The following MED12L variants were observed in gnomAD, a reference collection of about 807,000 sequenced individuals.
The protein encoded by MED12L is mediator of RNA polymerase II transcription subunit 12-like protein.
MED12L carries 60 observed loss-of-function variants against 281.3 expected under a neutral mutation model. That is an observed-to-expected ratio of 0.21 (90% confidence interval 0.17 to 0.26). MED12L has a LOEUF of 0.26. MED12L is among the 10% of genes least tolerant of loss of function. MED12L has a pLI of 1.00. For missense variants in MED12L, 2,146 were observed against 2,680.9 expected, an observed-to-expected ratio of 0.80 and a Z score of 4.41; for synonymous variants, 974 against 987.2, an observed-to-expected ratio of 0.99 and a Z score of 0.25.
At chr3:151,222,746 TAC>T (rs1306601088) in intron 16 of MED12L, among the ~76,000 whole-genome samples, 1 of 152,244 alleles carries the variant, frequency 6.6e-6, no homozygotes, top group East Asian at 1.9e-4. Flanking sequence ...CTGGTCCATG[TAC>T]CACTCTTTGA....
At position 151,194,533 on chromosome 3, in the gene MED12L, T is replaced by C. The variant is rs567921100; in HGVS notation, c.2250+867T>C. On this transcript the variant is annotated intron_variant, in intron 16 of 44. Transcript: ENST00000687756. ...CTGGGCCCCTTCCACTCTCAAAGAA[T>C]GAGTATTGGAGAGAACAAGAGTATT... Among the ~76,000 whole-genome samples the C allele has an allele frequency of 2.6e-5, 4 of 152,254 alleles. No individual in the cohort carries two copies. The South Asian group carries it at 8.3e-4, about 32-fold the overall frequency.
intron 16 of MED12L, among the ~76,000 whole-genome samples, chr3:151,264,777 A>G (rs1024279481): frequency 2.6e-5 from 4 of 151,918 alleles, no homozygotes; most frequent in African/African-American, 2.4e-5. Flanking sequence ...GTGTGTGTGT[A>G]TGTGTGTGTG....
At chr3:151,131,844 A>G (rs1295853366) in intron 5 of MED12L, among the ~76,000 whole-genome samples, 1 of 152,072 alleles carries the variant, frequency 6.6e-6, no homozygotes, top group African/African-American at 2.4e-5. Flanking sequence ...GGCTGGTTGG[A>G]CTTTGGAGGG....
intron 11 of MED12L, among the ~76,000 whole-genome samples, chr3:151,169,937 G>A (rs914383249): frequency 3.3e-5 from 5 of 152,156 alleles, no homozygotes; most frequent in Non-Finnish European, 7.4e-5. Flanking sequence ...ACATCTGTTG[G>A]GAAAACCTGA....
At chr3:151,108,984 T>C (rs1711499630) in intron 2 of MED12L, among the ~76,000 whole-genome samples, 1 of 152,180 alleles carries the variant, frequency 6.6e-6, no homozygotes, top group African/African-American at 2.4e-5. Flanking sequence ...AAAAATAAGA[T>C]CATTCTGTGA....
At chr3:151,260,391 C>T (rs1048842167) in intron 16 of MED12L, among the ~76,000 whole-genome samples, 1 of 152,076 alleles carries the variant, frequency 6.6e-6, no homozygotes, top group South Asian at 2.1e-4. Flanking sequence ...GCTCTGTTGT[C>T]CAGGCTGGAG....
intron 16 of MED12L, among the ~76,000 whole-genome samples, chr3:151,330,685 A>G (rs1219146450): frequency 6.6e-6 from 1 of 152,180 alleles, no homozygotes; most frequent in African/African-American, 2.4e-5. Context: ...AGAAAAACTT[A>G]ATATCCCCCT....
intron 16 of MED12L, among the ~76,000 whole-genome samples, chr3:151,247,978 T>C (rs2149432341): frequency 6.9e-6 from 1 of 144,412 alleles, no homozygotes; most frequent in East Asian, 2.0e-4. Context: ...TTTTTTTTTT[T>C]TTTTTTTGCC....
At chr3:151,247,091 A>G (rs955430661) in intron 16 of MED12L, among the ~76,000 whole-genome samples, 4 of 152,242 alleles carry the variant, frequency 2.6e-5, no homozygotes, top group Admixed American at 6.5e-5. Context: ...TAGATTGGCA[A>G]TAATTAAAAA....
intron 2 of MED12L, among the ~76,000 whole-genome samples, chr3:151,096,576 C>A (rs1456780732): frequency 6.6e-6 from 1 of 152,086 alleles, no homozygotes; most frequent in Non-Finnish European, 1.5e-5. Flanking sequence ...CTGTTTCTGG[C>A]AGAAAGCATT....
chr3:151,242,804 G>A (rs1050501908), intron 16 of MED12L, among the ~76,000 whole-genome samples: 2 of 151,758 alleles, frequency 1.3e-5, no homozygotes, highest in Admixed American at 6.6e-5. Flanking sequence ...GGCTTCAGAC[G>A]ATCAAATTAC....
intron 31 of MED12L, among the ~76,000 whole-genome samples, chr3:151,378,905 T>C (rs1711699057): frequency 6.6e-6 from 1 of 152,254 alleles, no homozygotes; most frequent in Non-Finnish European, 1.5e-5. Context: ...ACTCATTATG[T>C]ACATGAGCTT....
intron 9 of MED12L, 149 bp from the exon 10 acceptor site, chr3:151,165,271 C>G: frequency 2.5e-6 from 1 of 403,208 alleles, no homozygotes. Context: ...TAAAAATTCA[C>G]TTATTGGGCC....
At chr3:151,354,656 AAACTACTC>A (rs1753694319) in intron 17 of MED12L, among the ~76,000 whole-genome samples, 1 of 152,200 alleles carries the variant, frequency 6.6e-6, no homozygotes, top group African/African-American at 2.4e-5. Flanking sequence ...TAAAATCTGG[AAACTACTC>A]ACTAGAATGG....
chr3:151,310,185 A>G (rs564736289), intron 16 of MED12L, among the ~76,000 whole-genome samples: 1 of 152,362 alleles, frequency 6.6e-6, no homozygotes, highest in East Asian at 1.9e-4. Context: ...AAGAAACAAC[A>G]GTACCAGTAT....
intron 30 of MED12L, 26 bp downstream of exon 30, chr3:151,377,204 AC>A: frequency 6.3e-7 from 1 of 1,584,078 alleles, no homozygotes; most frequent in South Asian, 1.1e-5. Flanking sequence ...GTTTTATTGA[AC>A]TGTCATGAAT....
chr3:151,371,142 C>G (rs1159798150), intron 26 of MED12L, among the ~76,000 whole-genome samples: 1 of 152,116 alleles, frequency 6.6e-6, no homozygotes, highest in Non-Finnish European at 1.5e-5. Context: ...TTTTCTCTTT[C>G]TTTTCTTTTC....
At position 151,369,525 on chromosome 3, in the gene MED12L, G is replaced by C; in HGVS notation, c.3640G>C (p.Val1214Leu). The C allele has an allele frequency of 6.2e-7, 1 of 1,610,284 alleles. No homozygotes were observed. The highest frequency in any genetic ancestry group is 8.5e-7 in the Non-Finnish European group (1 of 1,177,374). The change falls in exon 26 of 45, where the codon GTC becomes CTC. Residue 1214 changes from valine to leucine, a missense_variant. Around this residue, in one of 9 missense-constraint regions of MED12L, gnomAD observed 404 missense variants for 603.5 expected, o/e 0.67. Coordinates refer to ENST00000687756, the MANE Select transcript of MED12L (RefSeq NM_001393769.1). ...CATTGAAGTGGGAGCCGTGTTTGCT[G>C]TCTTAAAAGCAATTATGATGCTTGG... Reference protein sequence around the residue: ...NSIEVGAVFAVLKAIMMLGDA... With the variant: ...NSIEVGAVFALLKAIMMLGDA...
At chr3:151,313,179 G>A (rs1018225058) in intron 16 of MED12L, among the ~76,000 whole-genome samples, 1 of 152,056 alleles carries the variant, frequency 6.6e-6, no homozygotes, top group Non-Finnish European at 1.5e-5. Flanking sequence ...CCTAACTACC[G>A]CTCTGCTACT....
Sources: allele counts gnomAD v4.1 joint callset (sites outside exome capture counted in the v4.1 genomes callset), GRCh38; gene constraint gnomAD v4.1.1; regional missense constraint gnomAD v4.1.1; transcripts MANE v1.5; gene names NCBI Gene and HGNC (gene_info 2026-07-23, HGNC 2026-07-21).